KANK4: variants seen among roughly 807,000 people sequenced by gnomAD.
KANK4 encodes KN motif and ankyrin repeat domain-containing protein 4.
In KANK4, 50 loss-of-function variants were observed where a neutral mutation model predicts 80.8. The observed-to-expected ratio is 0.62, with a 90% CI of 0.49 to 0.78. KANK4 has a LOEUF of 0.78. Ranked by LOEUF, KANK4 falls within the 30% of genes least tolerant of loss-of-function variation. The probability of loss-of-function intolerance (pLI) is 0.00; values close to 1 mark genes in which losing one functional copy is unlikely to be tolerated. For missense variants in KANK4, 1,196 were observed against 1,240.1 expected, an observed-to-expected ratio of 0.96 and a Z score of 0.53; for synonymous variants, 465 against 506.9, an observed-to-expected ratio of 0.92 and a Z score of 1.11.
intron 1 of KANK4, among the ~76,000 whole-genome samples, chr1:62,315,659 GT>G (rs1360897784): frequency 6.6e-6 from 1 of 152,172 alleles, no homozygotes; most frequent in Non-Finnish European, 1.5e-5. Context: ...CAACATCAGA[GT>G]TTTAAAAGTA....
chr1:62,249,385 T>C (rs1445092162), intron 8 of KANK4, among the ~76,000 whole-genome samples: 4 of 119,106 alleles, frequency 3.4e-5, no homozygotes, highest in Non-Finnish European at 7.0e-5. Context: ...TATACATGTA[T>C]TTTTTTTTTT....
At position 62,266,668 on chromosome 1, in the gene KANK4, C is replaced by T. The variant is rs894695112; in HGVS notation, c.2319+64G>A. On this transcript the variant is annotated intron_variant, in intron 6 of 9. Transcript: ENST00000371153. ...CACCACTGAATGGGACCAAAGTCACCCTGGCAGAGCTAACGTCTTAAACAG... is the reference window on the plus strand; with the variant it reads ...CACCACTGAATGGGACCAAAGTCACTCTGGCAGAGCTAACGTCTTAAACAG... 3.5e-6 allele frequency: 4 copies of T among 1,134,164 alleles called. No homozygotes were observed. In the Admixed American group the frequency reaches 7.2e-5, roughly 20 times the overall value. The allele number at this position is 1,134,164 out of a possible 1,614,324, so 70.3% of individuals were successfully genotyped here.
At chr1:62,305,384 C>A (rs758230762) in intron 1 of KANK4, among the ~76,000 whole-genome samples, 1 of 152,178 alleles carries the variant, frequency 6.6e-6, no homozygotes, top group Non-Finnish European at 1.5e-5. Context: ...TCTCGGCTCA[C>A]TGCAACCTCC....
In KANK4 at chr1:62,273,842, C is replaced by G. The variant is rs371335445; in HGVS notation, c.1262G>C (p.Gly421Ala). 6.2e-7 allele frequency: 1 copy of G among 1,614,204 alleles called. No homozygotes were observed. The highest frequency in any genetic ancestry group is 1.1e-5 in the South Asian group (1 of 91,076). Residue 421 changes from glycine (G) to alanine (A), a missense_variant, in exon 3 of 10, where the codon GGA (glycine) becomes GCA (alanine). By Grantham distance (60) the Gly-to-Ala change is moderately conservative. Around this residue, in one of 3 missense-constraint regions of KANK4, gnomAD observed 1,154 missense variants for 1,179.6 expected, o/e 0.98. Coordinates refer to ENST00000371153, the MANE Select transcript of KANK4 (RefSeq NM_181712.5). Reference protein sequence around the residue: ...DVMVNTDPVHGLLTRESCDKG... With the variant: ...DVMVNTDPVHALLTRESCDKG... ...ATCACACGACTCCCTGGTCAAGAGT[C>G]CATGGACAGGGTCAGTGTTCACCAT...
chr1:62,270,368 T>A (rs575086411), intron 4 of KANK4, among the ~76,000 whole-genome samples: 1 of 151,342 alleles, frequency 6.6e-6, no homozygotes, highest in South Asian at 2.1e-4. Flanking sequence ...CAGTTCATCA[T>A]TTTTTTTCTT....
intron 7 of KANK4, among the ~76,000 whole-genome samples, chr1:62,262,473 CT>C (rs1236765042): frequency 2.0e-5 from 3 of 152,146 alleles, no homozygotes; most frequent in Non-Finnish European, 2.9e-5. Flanking sequence ...AAAAAGACAC[CT>C]GCATTTATAT....
At chr1:62,252,763 C>G (rs1451665293) in intron 8 of KANK4, among the ~76,000 whole-genome samples, 2 of 152,254 alleles carry the variant, frequency 1.3e-5, no homozygotes, top group African/African-American at 4.8e-5. Flanking sequence ...AATGCCTTCT[C>G]AAGATGGCAA....
At chr1:62,257,477 C>G (rs1002581704) in intron 7 of KANK4, among the ~76,000 whole-genome samples, 2 of 152,152 alleles carry the variant, frequency 1.3e-5, no homozygotes, top group Admixed American at 1.3e-4. Flanking sequence ...GCAAGGCTCT[C>G]GACAGAGCAT....
intron 1 of KANK4, among the ~76,000 whole-genome samples, chr1:62,308,535 A>G (rs749780100): frequency 3.3e-5 from 5 of 152,082 alleles, no homozygotes; most frequent in African/African-American, 4.8e-5. Flanking sequence ...GGTTGGAGAG[A>G]ACTATCCTGG....
In KANK4 at chr1:62,273,599, TCAATC is replaced by T; in HGVS notation, c.1500_1504del (p.Ile501ArgfsTer5). ...TCCTTCCTGTTCAGTGCCTGCTTCT[TCAATC>T]CTGAGTTCAGTGGAGAGGAAGCTAT... On this transcript the variant is annotated frameshift_variant, in exon 3 of 10. Transcript: ENST00000371153. LOFTEE classifies it high-confidence loss of function. 6.2e-7 allele frequency: 1 copy of T among 1,614,056 alleles called. No individual in the cohort carries two copies.
chr1:62,263,710 T>C (rs2765248), intron 6 of KANK4, among the ~76,000 whole-genome samples: 107,170 of 152,120 alleles, frequency 0.7, 38,462 homozygotes, highest in East Asian at 0.84. Context: ...CCAGACTCTA[T>C]CAGGACACCT....
intron 1 of KANK4, among the ~76,000 whole-genome samples, chr1:62,296,902 T>C (rs1296841524): frequency 6.6e-6 from 1 of 152,128 alleles, no homozygotes; most frequent in African/African-American, 2.4e-5. Flanking sequence ...ATTTTATAGA[T>C]TAGAAAACTA....
At chr1:62,282,526 G>A (rs1672473738) in intron 1 of KANK4, among the ~76,000 whole-genome samples, 1 of 152,170 alleles carries the variant, frequency 6.6e-6, no homozygotes, top group Non-Finnish European at 1.5e-5. Context: ...CCAGTGATGA[G>A]GGAAGGACTG....
intron 7 of KANK4, among the ~76,000 whole-genome samples, chr1:62,261,021 A>C (rs1671871573): frequency 6.6e-6 from 1 of 151,730 alleles, no homozygotes; most frequent in Middle Eastern, 3.5e-3. Context: ...AATCTGCCCC[A>C]AACTGAATTA....
In KANK4 at chr1:62,274,316, T is replaced by C; in HGVS notation, c.788A>G (p.Asp263Gly). 6.2e-7 allele frequency: 1 copy of C among 1,614,150 alleles called. No homozygotes were observed. ...SFQNVLVVLE[D>G]KEDEHNAREA... ...TCTGGCATTGTGTTCATCTTCCTTG[T>C]CCTCTAGAACTACAAGCACATTCTG... Residue 263 changes from aspartate (D) to glycine (G), a missense_variant, in exon 3 of 10, where the codon GAC becomes GGC. Around this residue, in one of 3 missense-constraint regions of KANK4, gnomAD observed 1,154 missense variants for 1,179.6 expected, o/e 0.98. Transcript: ENST00000371153.
At chr1:62,310,865 C>CA (rs60180735) in intron 1 of KANK4, among the ~76,000 whole-genome samples, 56,204 of 151,968 alleles carry the variant, frequency 0.37, 10,975 homozygotes, top group East Asian at 0.63. Flanking sequence ...AGGCAAGCAC[C>CA]ATTATCTCCA....
At chr1:62,292,851 T>C (rs1424982224) in intron 1 of KANK4, among the ~76,000 whole-genome samples, 3 of 152,176 alleles carry the variant, frequency 2.0e-5, no homozygotes, top group Non-Finnish European at 4.4e-5. Flanking sequence ...TCCTATATAT[T>C]GAGACCTTGG....
intron 7 of KANK4, among the ~76,000 whole-genome samples, chr1:62,256,117 C>T (rs1164293429): frequency 6.6e-6 from 1 of 152,050 alleles, no homozygotes; most frequent in East Asian, 1.9e-4. Flanking sequence ...TATGTGTGGC[C>T]CAAGACAATT....
chr1:62,273,712 C>G lies in KANK4; in HGVS notation c.1392G>C (p.Gly464=). Residue 464 remains glycine (G), a synonymous_variant, in exon 3 of 10, where the codon GGG becomes GGC. Transcript: ENST00000371153. The stretch of plus-strand genomic sequence containing the variant: ...GCACACGTTCTGCTGGGCTCTGATT[C>G]CCTTGTTTATGACCATCTGGCCCCC... ...LLWGPDGHKQ[G]NQSPAERVLL... 6.2e-7 allele frequency: 1 copy of G among 1,614,112 alleles called. No homozygotes were observed. The highest frequency in any genetic ancestry group is 8.5e-7 in the Non-Finnish European group (1 of 1,180,010).
Sources: allele counts gnomAD v4.1 joint callset (sites outside exome capture counted in the v4.1 genomes callset), GRCh38; gene constraint gnomAD v4.1.1; regional missense constraint gnomAD v4.1.1; transcripts MANE v1.5; gene names NCBI Gene and HGNC (gene_info 2026-07-23, HGNC 2026-07-21).